GRIN3A: variants seen among roughly 807,000 people sequenced by gnomAD.
The protein encoded by GRIN3A is glutamate receptor ionotropic, NMDA 3A.
Under a neutral mutation model 92.4 loss-of-function variants are expected in GRIN3A, and 47 were observed. The ratio of observed to expected loss-of-function variants is 0.51; its 90% CI spans 0.40 to 0.65. The LOEUF (loss-of-function observed/expected upper bound fraction) is 0.65. GRIN3A is among the 30% of genes least tolerant of loss of function. GRIN3A has a pLI of 0.00. For missense variants in GRIN3A, 1,324 were observed against 1,393.1 expected, an observed-to-expected ratio of 0.95 and a Z score of 0.79; for synonymous variants, 527 against 540.6, an observed-to-expected ratio of 0.97 and a Z score of 0.35.
intron 1 of GRIN3A, among the ~76,000 whole-genome samples, chr9:101,730,908 A>G (rs1830130279): frequency 6.6e-6 from 1 of 152,036 alleles, no homozygotes; most frequent in Admixed American, 6.6e-5. Flanking sequence ...ATGAATAGAG[A>G]AAAATGTAGA....
At chr9:101,578,796 G>A (rs984274334) in intron 7 of GRIN3A, among the ~76,000 whole-genome samples, 1 of 152,186 alleles carries the variant, frequency 6.6e-6, no homozygotes, top group Non-Finnish European at 1.5e-5. Flanking sequence ...AAAGCAGAGA[G>A]AACAGGGGCA....
At chr9:101,574,394 A>T (rs192162981) in intron 8 of GRIN3A, among the ~76,000 whole-genome samples, 125 of 152,302 alleles carry the variant, frequency 8.2e-4, no homozygotes, top group African/African-American at 2.8e-3. Flanking sequence ...CCACCATAGG[A>T]GAAGAAGCAG....
At chr9:101,649,730 G>A (rs935379877) in intron 3 of GRIN3A, among the ~76,000 whole-genome samples, 5 of 152,044 alleles carry the variant, frequency 3.3e-5, no homozygotes, top group African/African-American at 9.7e-5. Context: ...GTTTCTAGCT[G>A]TATTTTTGTT....
At chr9:101,631,096 A>T (rs1828705420) in intron 3 of GRIN3A, among the ~76,000 whole-genome samples, 1 of 152,152 alleles carries the variant, frequency 6.6e-6, no homozygotes, top group Non-Finnish European at 1.5e-5. Flanking sequence ...TGCAGTTTTA[A>T]ATTTAATTAT....
At chr9:101,600,750 A>T (rs1828200008) in intron 6 of GRIN3A, 1 of 152,224 alleles carries the variant, frequency 6.6e-6, no homozygotes, top group Non-Finnish European at 1.5e-5. Context: ...TATGGAGCAT[A>T]CCGGAGTAGG....
At chr9:101,687,294 T>G in intron 1 of GRIN3A, 94 bp from the exon 2 acceptor site, 1 of 1,243,502 alleles carries the variant, frequency 8.0e-7, no homozygotes, top group Non-Finnish European at 1.2e-6. Flanking sequence ...CTTAATCCTT[T>G]AATTTCACTG....
At chr9:101,637,092 AT>A (rs999725162) in intron 3 of GRIN3A, among the ~76,000 whole-genome samples, 7 of 148,302 alleles carry the variant, frequency 4.7e-5, no homozygotes, top group East Asian at 4.0e-4. Flanking sequence ...TACACTGGAC[AT>A]TTTTTTTTTC....
At chr9:101,614,993 A>C (rs373464289) in intron 5 of GRIN3A, among the ~76,000 whole-genome samples, 2 of 151,988 alleles carry the variant, frequency 1.3e-5, no homozygotes. Context: ...AGGGCAAGGG[A>C]GGCAGGGGAA....
Position 101,686,614 on chromosome 9 carries a change from G to C in GRIN3A, c.1286C>G (p.Ser429Ter). 2 of 1,614,144 alleles carry C rather than the reference G, an allele frequency of 1.2e-6. No homozygotes were observed. The highest frequency in any genetic ancestry group is 1.7e-6 in the Non-Finnish European group (2 of 1,180,026). Residue 429 changes from serine (S) to a stop codon, truncating the protein, a stop_gained, in exon 2 of 9, where the codon TCA becomes TGA. Transcript: ENST00000361820. LOFTEE classifies it high-confidence loss of function. Reference sequence around the variant, plus strand: ...ATCCTACCTTGATAAATATTGTCCTGAAGTGAGATTTGTAGTTTCCACCTC... The same window carrying C: ...ATCCTACCTTGATAAATATTGTCCTCAAGTGAGATTTGTAGTTTCCACCTC... ...CMEVETTNLT[S>*]GQYLSRFLAN...
chr9:101,626,752 A>T (rs927848204), intron 4 of GRIN3A, among the ~76,000 whole-genome samples: 4 of 152,068 alleles, frequency 2.6e-5, no homozygotes, highest in African/African-American at 9.7e-5. Flanking sequence ...TCAAGGACCT[A>T]CTCTTTCATC....
chr9:101,687,789 A>G (rs1829558909), intron 1 of GRIN3A, among the ~76,000 whole-genome samples: 1 of 152,210 alleles, frequency 6.6e-6, no homozygotes, highest in Non-Finnish European at 1.5e-5. Flanking sequence ...GCAATGTTAA[A>G]GGCTTGATTA....
In GRIN3A at chr9:101,670,654, C is replaced by G. The variant is rs142284927; in HGVS notation, c.1758G>C (p.Lys586Asn). Residue 586 changes from lysine to asparagine, a missense_variant, in exon 3 of 9, where the codon AAG (lysine) becomes AAC (asparagine). Coordinates refer to ENST00000361820, the MANE Select transcript of GRIN3A (RefSeq NM_133445.3). ...AGTCAAAGTTCATGTCTTCTGCTAT[C>G]TTTTCCAGCAGATCAATGCAATATC... ...CYGYCIDLLE[K>N]IAEDMNFDFD... 286 of 1,613,818 alleles carry G rather than the reference C, an allele frequency of 1.8e-4. No individual in the cohort carries two copies. Among genetic ancestry groups the G allele is most frequent in the Non-Finnish European group, 2.2e-4 (263 of 1,179,854 alleles).
intron 6 of GRIN3A, among the ~76,000 whole-genome samples, chr9:101,583,683 T>C (rs1284618369): frequency 1.3e-5 from 2 of 152,154 alleles, no homozygotes; most frequent in African/African-American, 4.8e-5. Context: ...AGTCTCATGC[T>C]GTCAAGGGCC....
Position 101,738,201 on chromosome 9 carries a change from T to C in GRIN3A, c.-222A>G. The C allele has an allele frequency of 1.7e-6, 1 of 602,204 alleles. No homozygotes were observed. The highest frequency in any genetic ancestry group is 3.0e-6 in the Non-Finnish European group (1 of 333,232). 37.3% of individuals were successfully genotyped at this position (602,204 alleles called of 1,614,324 possible). ...CCAGGTCCCTCCGCCTGGCATCCTC[T>C]GCCCGCCCGGTCACTGCGCTGAGCA... On this transcript the variant is annotated 5_prime_UTR_variant, in exon 1 of 9. Transcript: ENST00000361820.
At chr9:101,664,249 A>T (rs1188998952) in intron 3 of GRIN3A, among the ~76,000 whole-genome samples, 1 of 151,936 alleles carries the variant, frequency 6.6e-6, no homozygotes, top group East Asian at 1.9e-4. Flanking sequence ...GAGGTAGTAG[A>T]TGCTTGCTTC....
intron 3 of GRIN3A, 47 bp downstream of exon 3, chr9:101,670,013 G>T: frequency 1.5e-6 from 2 of 1,346,112 alleles, no homozygotes; most frequent in South Asian, 1.2e-5. Flanking sequence ...ACAACATACG[G>T]AATTATAATG....
intron 4 of GRIN3A, among the ~76,000 whole-genome samples, chr9:101,624,565 T>TA (rs1377376279): frequency 6.6e-6 from 1 of 152,172 alleles, no homozygotes; most frequent in African/African-American, 2.4e-5. Context: ...CATCATTTTT[T>TA]ATGGCTGCAT....
intron 2 of GRIN3A, among the ~76,000 whole-genome samples, chr9:101,677,925 T>C (rs1368693709): frequency 6.6e-6 from 1 of 152,142 alleles, no homozygotes; most frequent in African/African-American, 2.4e-5. Flanking sequence ...CATCTTTGAC[T>C]TTTTAGACTA....
rs551734339 is a variant in GRIN3A, at chr9:101,680,841, A to C, written c.1304+5755T>G. 5.3e-5 allele frequency among the ~76,000 whole-genome samples: 8 copies of C among 152,354 alleles called. No homozygotes were observed. The South Asian group carries it at 1.7e-3, about 32-fold the overall frequency. On this transcript the variant is annotated intron_variant, in intron 2 of 8. Coordinates refer to ENST00000361820, the MANE Select transcript of GRIN3A (RefSeq NM_133445.3). The stretch of plus-strand genomic sequence containing the variant: ...AATTAATCACTGACTACTTGATTCA[A>C]TTCTCAAGGGATACAGAACAGAACT...
Sources: gnomAD v4.1 joint callset for allele counts (sites outside exome capture counted in the v4.1 genomes callset) on GRCh38, gnomAD v4.1.1 for gene constraint, MANE v1.5 for transcripts, NCBI Gene and HGNC (gene_info 2026-07-23, HGNC 2026-07-21) for gene names.